Variants in PRELP observed in about 807,000 individuals in gnomAD.
PRELP encodes the protein prolargin.
A neutral mutation model predicts 22.8 loss-of-function variants in PRELP; 16 were observed. The observed-to-expected ratio is 0.70, with a 90% CI of 0.47 to 1.06. PRELP has a LOEUF of 1.06. Ranked by LOEUF, PRELP falls within the 50% of genes least tolerant of loss-of-function variation. The pLI is 0.00. For missense variants in PRELP, 434 were observed against 485.2 expected (o/e 0.89, Z 0.99); for synonymous variants, 233 against 211.4 (o/e 1.10, Z -0.89).
chr1:203,477,723 G>GGCGAAAAGCTGGGT (rs1660936932), intron 1 of PRELP, among the ~76,000 whole-genome samples: 1 of 62,120 alleles, frequency 1.6e-5, no homozygotes, highest in African/African-American at 9.6e-5. Flanking sequence ...GGCTGGAAGG[G>GGCGAAAAGCTGGGT]GCAAAAAGCT....
chr1:203,483,311 A>AGGCCCC lies in PRELP; in HGVS notation c.127_128insGGCCCC (p.Thr43delinsArgProPro). The AGGCCCC allele has an allele frequency of 6.2e-7, 1 of 1,613,886 alleles. No individual in the cohort carries two copies. Among genetic ancestry groups the AGGCCCC allele is most frequent in the Non-Finnish European group, 8.5e-7 (1 of 1,179,952 alleles). Reference sequence around the variant, plus strand: ...CAGACCCAGGCCCAGGCCCAGGCCCACACCCAGCTTTCCTCAGCCTGATGA... The same window carrying AGGCCCC: ...CAGACCCAGGCCCAGGCCCAGGCCCAGGCCCCCACCCAGCTTTCCTCAGCCTGATGA... On this transcript the variant is annotated protein_altering_variant, in exon 2 of 3. Coordinates refer to ENST00000343110, the MANE Select transcript of PRELP (RefSeq NM_002725.4). This position sits in a 1 kb window ranked among gnomAD's most constrained non-coding sequence, Gnocchi z 4.4.
rs537590472 is a variant in PRELP at position 203,476,392 on chromosome 1, C to T, written c.-17+454C>T. ...AAAATGAAGACATCCTGTCCATTCA[C>T]CTCTGCCCTCTGCATCTGACATGCA... is the stretch of plus-strand genomic sequence containing the variant. On this transcript the variant is annotated intron_variant, in intron 1 of 2. Transcript: ENST00000343110. 1.6e-4 allele frequency among the ~76,000 whole-genome samples: 25 copies of T among 152,308 alleles called. 1 individual carries two copies. The highest frequency in any genetic ancestry group is 6.0e-4 in the African/African-American group (25 of 41,562).
At chr1:203,480,546 T>C (rs866642433) in intron 1 of PRELP, among the ~76,000 whole-genome samples, 2 of 152,240 alleles carry the variant, frequency 1.3e-5, no homozygotes, top group African/African-American at 4.8e-5. Flanking sequence ...ATGGCTGTGC[T>C]GTCAGCTGTC....
chr1:203,483,237 C>T lies in PRELP; in HGVS notation c.53C>T (p.Ala18Val), dbSNP rs1571586255. The T allele has an allele frequency of 6.3e-7, 1 of 1,590,820 alleles. No individual in the cohort carries two copies. ...LLPLLILASV[A>V]QGQPTRRPRP... The stretch of plus-strand genomic sequence containing the variant: ...CCACTTCTCATCTTGGCCTCAGTGG[C>T]CCAAGGCCAGCCAACAAGACGACCA... Residue 18 changes from alanine to valine, a missense_variant, in exon 2 of 3, where the codon GCC (alanine) becomes GTC (valine). Coordinates refer to ENST00000343110, the MANE Select transcript of PRELP (RefSeq NM_002725.4). This position sits in a 1 kb window ranked among gnomAD's most constrained non-coding sequence, Gnocchi z 4.4.
intron 2 of PRELP, among the ~76,000 whole-genome samples, chr1:203,484,930 G>C (rs1339434676): frequency 6.6e-6 from 1 of 152,134 alleles, no homozygotes; most frequent in Non-Finnish European, 1.5e-5. Flanking sequence ...AATATTTTCT[G>C]GTCCTTGAAC....
intron 1 of PRELP, 31 bp downstream of exon 1, chr1:203,475,969 TG>T (rs1384556668): frequency 1.3e-5 from 2 of 152,646 alleles, no homozygotes; most frequent in Non-Finnish European, 2.9e-5. Context: ...GGCAGGAGAC[TG>T]GGAAGAATCT....
At position 203,486,694 on chromosome 1, in the gene PRELP, C is replaced by CT. The variant is rs771283240; in HGVS notation, c.974-7dup. ...CCACTCCCTTCTGATTTCTCGTCTTCTTTTTCCGTAGAAATCAACGGAACC... is the reference window on the plus strand; with the variant it reads ...CCACTCCCTTCTGATTTCTCGTCTTCTTTTTTCCGTAGAAATCAACGGAACC... On this transcript the variant is annotated splice_polypyrimidine_tract_variant and intron_variant, in intron 2 of 2. Transcript: ENST00000343110. 6.2e-7 allele frequency: 1 copy of CT among 1,605,252 alleles called. No individual in the cohort carries two copies. Among genetic ancestry groups the CT allele is most frequent in the Admixed American group, 1.7e-5 (1 of 59,840 alleles).
At position 203,488,672 on chromosome 1, in the gene PRELP, C is replaced by T. The variant is rs925350544; in HGVS notation, c.*1791C>T. 1 of 152,126 alleles carries T rather than the reference C, an allele frequency of 6.6e-6. No individual in the cohort carries two copies. The highest frequency in any genetic ancestry group is 1.5e-5 in the Non-Finnish European group (1 of 68,044). The allele number at this position is 152,126 out of a possible 1,614,324, so 9.4% of individuals were successfully genotyped here. A position where few individuals can be genotyped will look rare whatever the true frequency, so the allele number is the denominator to read the frequency against. ...TAATTTATTTTCTGTATGGACTGTC[C>T]CTCCCCCAGAGGCTTCCCCACCCTC... On this transcript the variant is annotated 3_prime_UTR_variant, in exon 3 of 3. Transcript: ENST00000343110.
intron 1 of PRELP, among the ~76,000 whole-genome samples, chr1:203,481,300 A>G (rs1660996522): frequency 6.6e-6 from 1 of 152,178 alleles, no homozygotes; most frequent in African/African-American, 2.4e-5. Flanking sequence ...TTAGAATACC[A>G]ATGCTTTAAC....
Position 203,490,381 on chromosome 1 carries a change from G to A in PRELP, c.*3500G>A, listed in dbSNP as rs570248164. 4.6e-4 allele frequency: 70 copies of A among 152,234 alleles called. 1 individual carries two copies. The highest frequency in any genetic ancestry group is 1.5e-3 in the African/African-American group (62 of 41,540). 9.4% of individuals were successfully genotyped at this position (152,234 alleles called of 1,614,324 possible). On this transcript the variant is annotated 3_prime_UTR_variant, in exon 3 of 3. Transcript: ENST00000343110. ...AAAAAATATATATATTCCTAAAGTC[G>A]GACCAGAAATCTGACAGCTGCCTTT...
chr1:203,478,371 C>T (rs2102204677), intron 1 of PRELP, among the ~76,000 whole-genome samples: 1 of 152,282 alleles, frequency 6.6e-6, no homozygotes. Context: ...AGAGTCGTCT[C>T]ACCCTGGTTT....
rs759904955 is a variant in PRELP at position 203,483,898 on chromosome 1, C to T, written c.714C>T (p.Pro238=). Residue 238 remains proline, a synonymous_variant, in exon 2 of 3, where the codon CCC becomes CCT. Transcript: ENST00000343110. The surrounding 1 kb of genome is among the most constrained non-coding windows in gnomAD (Gnocchi z 4.4). ...LAHNILRKMP[P]RVPTAIHQLY... is the part of the protein sequence containing the mutation. Reference sequence around the variant, plus strand: ...ACAACATCCTGAGAAAGATGCCGCCCAGGGTCCCCACCGCCATTCACCAGC... The same window carrying T: ...ACAACATCCTGAGAAAGATGCCGCCTAGGGTCCCCACCGCCATTCACCAGC... The T allele has an allele frequency of 3.1e-6, 5 of 1,614,234 alleles. No homozygotes were observed. The highest frequency in any genetic ancestry group is 4.2e-6 in the Non-Finnish European group (5 of 1,180,038).
At chr1:203,485,591 C>T (rs1182406835) in intron 2 of PRELP, among the ~76,000 whole-genome samples, 2 of 152,220 alleles carry the variant, frequency 1.3e-5, no homozygotes, top group African/African-American at 4.8e-5. Context: ...CTTACCATTT[C>T]ACAGATTGAA....
rs768891454 is a variant in PRELP at position 203,483,777 on chromosome 1, T to C, written c.593T>C (p.Leu198Pro). The change falls in exon 2 of 3, where the codon CTG becomes CCG. Residue 198 changes from leucine to proline, a missense_variant. Leu to Pro is a moderately conservative substitution (Grantham distance 98). Coordinates refer to ENST00000343110, the MANE Select transcript of PRELP (RefSeq NM_002725.4). This position sits in a 1 kb window ranked among gnomAD's most constrained non-coding sequence, Gnocchi z 4.4. The stretch of plus-strand genomic sequence containing the variant: ...GTCTTCAGCAAGCTGGAGAACCTGC[T>C]GCTCCTGGATCTCCAGCACAACAGG... ...PGVFSKLENL[L>P]LLDLQHNRLS... is the part of the protein sequence containing the mutation. 6.2e-7 allele frequency: 1 copy of C among 1,614,094 alleles called. No homozygotes were observed. The highest frequency in any genetic ancestry group is 1.3e-5 in the African/African-American group (1 of 74,924).
At chr1:203,482,945 C>T (rs1661029446) in intron 1 of PRELP, among the ~76,000 whole-genome samples, 1 of 152,074 alleles carries the variant, frequency 6.6e-6, no homozygotes, top group East Asian at 1.9e-4. Context: ...AGAGCAGGCT[C>T]AACACATCGA....
chr1:203,485,640 T>C (rs1299832531), intron 2 of PRELP, among the ~76,000 whole-genome samples: 1 of 152,056 alleles, frequency 6.6e-6, no homozygotes, highest in Non-Finnish European at 1.5e-5. Flanking sequence ...AGCCCCAAGC[T>C]CATAAGAGAA....
rs1489009840 is a variant in PRELP at position 203,490,939 on chromosome 1, A to G, written c.*4058A>G. 6.6e-6 allele frequency: 1 copy of G among 152,262 alleles called. No individual in the cohort carries two copies. Among genetic ancestry groups the G allele is most frequent in the African/African-American group, 2.4e-5 (1 of 41,460 alleles). 9.4% of individuals were successfully genotyped at this position (152,262 alleles called of 1,614,324 possible). A position where few individuals can be genotyped will look rare whatever the true frequency, so the allele number is the denominator to read the frequency against. On this transcript the variant is annotated 3_prime_UTR_variant, in exon 3 of 3. Coordinates refer to ENST00000343110, the MANE Select transcript of PRELP (RefSeq NM_002725.4). ...TTGGTAAAGGGAAAGAAATCCATGA[A>G]TGGATACCTCTGTGTCCTAAGTGTT...
intron 1 of PRELP, among the ~76,000 whole-genome samples, chr1:203,477,732 C>G (rs1186029157): frequency 1.3e-5 from 2 of 152,088 alleles, no homozygotes; most frequent in Non-Finnish European, 2.9e-5. Flanking sequence ...GGGCAAAAAG[C>G]TGGGAGAAGT....
chr1:203,484,617 C>T (rs1370870607), intron 2 of PRELP, among the ~76,000 whole-genome samples: 1 of 152,210 alleles, frequency 6.6e-6, no homozygotes. Flanking sequence ...TCTGCAGAAA[C>T]CTGCCCCTGT....
Sources: gnomAD v4.1 joint callset for allele counts (sites outside exome capture counted in the v4.1 genomes callset) on GRCh38, gnomAD v4.1.1 for gene constraint, Gnocchi (gnomAD v3.1) non-coding constraint, MANE v1.5 for transcripts, NCBI Gene and HGNC (gene_info 2026-07-23, HGNC 2026-07-21) for gene names.